TOGARAM2: variants seen among roughly 807,000 people sequenced by gnomAD.
TOGARAM2 encodes the protein TOG array regulator of axonemal microtubules protein 2.
A neutral mutation model predicts 93.3 loss-of-function variants in TOGARAM2; 85 were observed. That is an observed-to-expected ratio of 0.91 (90% confidence interval 0.76 to 1.09). The LOEUF is 1.09. TOGARAM2 is among the 50% of genes least tolerant of loss of function. The pLI is 0.00. For synonymous variants in TOGARAM2, 593 were observed against 552.8 expected (o/e 1.07, Z -1.02); for missense variants, 1,277 against 1,334.5 (o/e 0.96, Z 0.67).
rs569177033 is a variant in TOGARAM2 at position 29,005,360 on chromosome 2, A to G, written c.830+1678A>G. Reference sequence around the variant, plus strand: ...CCGTGTGTGTGCATGTGTGGAGCGTATGTGTGAGAACGTGCATGTATGTGG... The same window carrying G: ...CCGTGTGTGTGCATGTGTGGAGCGTGTGTGTGAGAACGTGCATGTATGTGG... On this transcript the variant is annotated intron_variant, in intron 6 of 19. Coordinates refer to ENST00000379558, the MANE Select transcript of TOGARAM2 (RefSeq NM_199280.4). Among the ~76,000 whole-genome samples, 28 of 95,662 alleles carry G rather than the reference A, an allele frequency of 2.9e-4. No individual in the cohort carries two copies. The East Asian group carries it at 9.0e-3, about 31-fold the overall frequency. 62.8% of individuals were successfully genotyped at this position (95,662 alleles called of 152,430 possible).
chr2:28,989,712 G>C (rs1672629283), intron 1 of TOGARAM2, among the ~76,000 whole-genome samples: 1 of 151,894 alleles, frequency 6.6e-6, no homozygotes, highest in South Asian at 2.1e-4. Context: ...GCCAATTTTT[G>C]TATTTTATAG....
At chr2:29,006,223 CTGTG>C (rs1195810991) in intron 6 of TOGARAM2, among the ~76,000 whole-genome samples, 4 of 132,638 alleles carry the variant, frequency 3.0e-5, no homozygotes. Flanking sequence ...GTGTGTGTGA[CTGTG>C]TGTGAAGCCA....
rs572738573 is a variant in TOGARAM2 at position 29,043,288 on chromosome 2, A to T, written c.2636-2036A>T. Among the ~76,000 whole-genome samples, 34 of 152,358 alleles carry T rather than the reference A, an allele frequency of 2.2e-4. 1 individual carries two copies. The highest frequency in any genetic ancestry group is 7.0e-4 in the African/African-American group (29 of 41,594). On this transcript the variant is annotated intron_variant, in intron 18 of 19. Coordinates refer to ENST00000379558, the MANE Select transcript of TOGARAM2 (RefSeq NM_199280.4). ...GATGGAGCTTTTGCAAACAGCAGAGATGTACCTGGGTACATTTTCTCCTCT... is the reference window on the plus strand; with the variant it reads ...GATGGAGCTTTTGCAAACAGCAGAGTTGTACCTGGGTACATTTTCTCCTCT...
rs181080440 is a variant in TOGARAM2, at chr2:28,968,523, C to G, written c.-147+11826C>G. On this transcript the variant is annotated intron_variant, in intron 1 of 6. Coordinates refer to the TOGARAM2 transcript ENST00000401723. ...TGGTCCTTTACACCTTTGTCCTTTT[C>G]CTCGCACCCATATGCACCCTAGGAA... 4.6e-5 allele frequency among the ~76,000 whole-genome samples: 7 copies of G among 152,214 alleles called. No homozygotes were observed. In the East Asian group the frequency reaches 7.7e-4, roughly 17 times the overall value.
In TOGARAM2 at chr2:29,003,598, C is replaced by A. The variant is rs1168038071; in HGVS notation, c.746C>A (p.Thr249Asn). ...CCAAAGGCCAGGACGGTTGCAGCGA[C>A]CCCCTCCCGTGTGCCTGGCTCCCTT... Reference protein sequence around the residue: ...PIPKARTVAATPSRVPGSLPS... With the variant: ...PIPKARTVAANPSRVPGSLPS... Residue 249 changes from threonine to asparagine, a missense_variant, in exon 6 of 20, where the codon ACC becomes AAC. Physicochemically the swap from Thr to Asn is moderately conservative, Grantham distance 65. Coordinates refer to ENST00000379558, the MANE Select transcript of TOGARAM2 (RefSeq NM_199280.4). The A allele has an allele frequency of 1.3e-6, 2 of 1,594,418 alleles. No homozygotes were observed. The highest frequency in any genetic ancestry group is 3.5e-5 in the Admixed American group (2 of 57,714).
chr2:29,020,729 G>A (rs1336696120), intron 10 of TOGARAM2, among the ~76,000 whole-genome samples: 1 of 152,232 alleles, frequency 6.6e-6, no homozygotes, highest in Admixed American at 6.5e-5. Context: ...CTCTTTTTGA[G>A]AGCGTTGCAG....
At chr2:29,003,732 C>T (rs894005252) in intron 6 of TOGARAM2, 50 bp downstream of exon 6, 5 of 1,403,076 alleles carry the variant, frequency 3.6e-6, no homozygotes, top group African/African-American at 1.5e-5. Context: ...CCCTCTGTCC[C>T]CCTGAGATCC....
At chr2:29,025,630 T>C (rs1665304725) in intron 13 of TOGARAM2, among the ~76,000 whole-genome samples, 2 of 152,186 alleles carry the variant, frequency 1.3e-5, no homozygotes, top group South Asian at 4.1e-4. Context: ...CCATGGACCA[T>C]GCTGAGTAGG....
At chr2:28,994,302 C>T (rs187329439) in intron 1 of TOGARAM2, among the ~76,000 whole-genome samples, 7 of 152,248 alleles carry the variant, frequency 4.6e-5, no homozygotes, top group South Asian at 4.2e-4. Context: ...CGAGAGGCCC[C>T]GCCAACACCT....
At chr2:28,958,314 C>G (rs1345464604) in intron 1 of TOGARAM2, among the ~76,000 whole-genome samples, 1 of 146,512 alleles carries the variant, frequency 6.8e-6, no homozygotes, top group Non-Finnish European at 1.5e-5. Flanking sequence ...TTTTTTTTTC[C>G]TTTTCTTTTG....
chr2:28,992,069 C>T (rs1181499103), intron 1 of TOGARAM2, among the ~76,000 whole-genome samples: 1 of 152,108 alleles, frequency 6.6e-6, no homozygotes, highest in African/African-American at 2.4e-5. Context: ...GCCTTAGTGT[C>T]CAGAGCAGTG....
rs771733284 is a variant in TOGARAM2, at chr2:29,026,838, A to T, written c.1854-15A>T. 3.8e-6 allele frequency: 6 copies of T among 1,572,874 alleles called. No homozygotes were observed. The African/African-American group carries it at 5.4e-5, about 14-fold the overall frequency. On this transcript the variant is annotated splice_polypyrimidine_tract_variant and intron_variant, in intron 13 of 19. Transcript: ENST00000379558. ...CTATCCTGAGACTGACCCCTGGGCC[A>T]TGATTTCCTTTCAGCCACCGGAACC...
Position 29,015,108 on chromosome 2 carries a change from C to T in TOGARAM2, c.1044+547C>T, listed in dbSNP as rs192346277. Among the ~76,000 whole-genome samples the T allele has an allele frequency of 7.2e-5, 11 of 152,288 alleles. No individual in the cohort carries two copies. In the East Asian group the frequency reaches 2.1e-3, roughly 29 times the overall value. On this transcript the variant is annotated intron_variant, in intron 8 of 19. Coordinates refer to ENST00000379558, the MANE Select transcript of TOGARAM2 (RefSeq NM_199280.4). ...GAGTCACTGTAGTGAGGAGCCTGTG[C>T]TCATTCTTTGAGACAGAACATTCCA...
In TOGARAM2 at chr2:29,033,633, G is replaced by GC; in HGVS notation, c.2225+72dup. The GC allele has an allele frequency of 2.0e-6, 3 of 1,464,122 alleles. No individual in the cohort carries two copies. The South Asian group carries it at 3.6e-5, about 18-fold the overall frequency. The allele number at this position is 1,464,122 out of a possible 1,614,324, so 90.7% of individuals were successfully genotyped here. On this transcript the variant is annotated intron_variant, in intron 16 of 19. Transcript: ENST00000379558. The stretch of plus-strand genomic sequence containing the variant: ...GACAGAGGCATCCTGCTTGTCCATG[G>GC]CCAGGGGTGGCTCTGGGGTGGACAT...
intron 6 of TOGARAM2, among the ~76,000 whole-genome samples, chr2:29,009,731 T>C (rs1572697164): frequency 6.6e-6 from 1 of 152,084 alleles, no homozygotes; most frequent in Non-Finnish European, 1.5e-5. Context: ...GACGTTTGGG[T>C]TGGAGCCGGG....
chr2:29,033,587 G>A (rs1665909793), intron 16 of TOGARAM2, 24 bp downstream of exon 16: 1 of 1,603,902 alleles, frequency 6.2e-7, no homozygotes, highest in Non-Finnish European at 8.5e-7. Context: ...TGTATCTCTG[G>A]GCTTCACATC....
intron 1 of TOGARAM2, among the ~76,000 whole-genome samples, chr2:28,987,478 A>G (rs888178142): frequency 1.3e-5 from 2 of 152,132 alleles, no homozygotes; most frequent in African/African-American, 4.8e-5. Flanking sequence ...TTTAGTAGAC[A>G]TGGGGTTTCA....
chr2:29,036,461 T>C (rs1666114748), intron 17 of TOGARAM2, 80 bp from the exon 18 acceptor site: 1 of 1,387,490 alleles, frequency 7.2e-7, no homozygotes, highest in Non-Finnish European at 1.0e-6. Flanking sequence ...TTGGGCCAGG[T>C]GAGCTCCAAG....
upstream of TOGARAM2, among the ~76,000 whole-genome samples, chr2:28,976,328 A>G (rs572965316): frequency 2.6e-3 from 403 of 152,330 alleles, 1 homozygote; most frequent in African/African-American, 8.8e-3. Context: ...CTGAGATCAC[A>G]CCACTGCACT....
Sources: allele counts gnomAD v4.1 joint callset (sites outside exome capture counted in the v4.1 genomes callset), GRCh38; gene constraint gnomAD v4.1.1; transcripts MANE v1.5; gene names NCBI Gene and HGNC (gene_info 2026-07-23, HGNC 2026-07-21).